CCDC149: variants seen among roughly 807,000 people sequenced by gnomAD.
CCDC149 encodes coiled-coil domain-containing protein 149.
A neutral mutation model predicts 59.9 loss-of-function variants in CCDC149; 45 were observed. The ratio of observed to expected loss-of-function variants is 0.75; its 90% CI spans 0.59 to 0.96. The LOEUF is 0.96. CCDC149 is among the 40% of genes least tolerant of loss of function. The probability of loss-of-function intolerance (pLI) is 0.00; values close to 1 mark genes in which losing one functional copy is unlikely to be tolerated. For synonymous variants in CCDC149, 245 were observed against 260.6 expected, an observed-to-expected ratio of 0.94 and a Z score of 0.58; for missense variants, 584 against 664.7, an observed-to-expected ratio of 0.88 and a Z score of 1.33.
chr4:24,909,731 G>A (rs1330385363), intron 1 of CCDC149, among the ~76,000 whole-genome samples: 1 of 152,194 alleles, frequency 6.6e-6, no homozygotes, highest in Admixed American at 6.5e-5. Context: ...AGTCTCACGA[G>A]ATCTGATGGT....
intron 1 of CCDC149, among the ~76,000 whole-genome samples, chr4:24,909,795 C>T (rs1203508210): frequency 1.3e-5 from 2 of 152,058 alleles, no homozygotes. Flanking sequence ...TGCTGCCATC[C>T]ATGTAAGATG....
chr4:24,853,394 T>C (rs1717791218), intron 3 of CCDC149: 3 of 535,824 alleles, frequency 5.6e-6, no homozygotes, highest in Non-Finnish European at 9.8e-6. Context: ...AATTTGGAGA[T>C]ATTCTTTGTT....
intron 1 of CCDC149, among the ~76,000 whole-genome samples, chr4:24,953,241 A>G (rs1224325735): frequency 6.6e-6 from 1 of 152,154 alleles, no homozygotes; most frequent in Non-Finnish European, 1.5e-5. Flanking sequence ...CAGATTCCTG[A>G]TTTTGGAGGA....
In CCDC149 at chr4:24,808,645, C is replaced by G. The variant is rs1425949136; in HGVS notation, c.1367G>C (p.Ser456Thr). 1.2e-5 allele frequency: 18 copies of G among 1,552,314 alleles called. No homozygotes were observed. The highest frequency in any genetic ancestry group is 1.5e-5 in the Non-Finnish European group (17 of 1,147,156). Residue 456 changes from serine to threonine, a missense_variant, in exon 13 of 13, where the codon AGC (serine) becomes ACC (threonine). Physicochemically the swap from Ser to Thr is moderately conservative, Grantham distance 58 (BLOSUM62 1). Transcript: ENST00000635206. The stretch of plus-strand genomic sequence containing the variant: ...CAGTTTAATTATTTCCCTCCCAAGG[C>G]TGTTTACTTCTTCCTCAGAAGGTAA...
At chr4:24,917,738 G>A (rs1305434915), upstream of CCDC149, among the ~76,000 whole-genome samples, 1 of 152,192 alleles carries the variant, frequency 6.6e-6, no homozygotes, top group Non-Finnish European at 1.5e-5. Flanking sequence ...GAGTTAAATG[G>A]AAAAGAGACA....
chr4:24,936,259 T>G (rs1018957056), intron 1 of CCDC149, among the ~76,000 whole-genome samples: 5 of 151,984 alleles, frequency 3.3e-5, no homozygotes, highest in Admixed American at 2.0e-4. Flanking sequence ...TAAGGGAGGT[T>G]TTCAGTTTTG....
In CCDC149 at chr4:24,807,190, G is replaced by C. The variant is rs1714246854; in HGVS notation, c.*1199C>G. 6.6e-6 allele frequency: 1 copy of C among 152,152 alleles called. No individual in the cohort carries two copies. Among genetic ancestry groups the C allele is most frequent in the South Asian group, 2.1e-4 (1 of 4,826 alleles). The allele number at this position is 152,152 out of a possible 1,614,324, so 9.4% of individuals were successfully genotyped here. ...TCCAGGGAAGGAAAAAGCTATGGCTGGATGACTTTTAGTTTTCTGCAGTGC... is the reference window on the plus strand; with the variant it reads ...TCCAGGGAAGGAAAAAGCTATGGCTCGATGACTTTTAGTTTTCTGCAGTGC... On this transcript the variant is annotated 3_prime_UTR_variant, in exon 13 of 13. Transcript: ENST00000635206.
intron 1 of CCDC149, among the ~76,000 whole-genome samples, chr4:24,932,540 G>T (rs28591339): frequency 0.41 from 62,594 of 151,518 alleles, 15,148 homozygotes; most frequent in Non-Finnish European, 0.54. Flanking sequence ...TTGAAGTAAG[G>T]AAGTGTGGCT....
At chr4:24,892,993 G>A (rs1722196550) in intron 1 of CCDC149, among the ~76,000 whole-genome samples, 2 of 152,126 alleles carry the variant, frequency 1.3e-5, no homozygotes, top group African/African-American at 4.8e-5. Context: ...GGGGCTGATC[G>A]CCCTCATTAA....
rs1185253622 is a variant in CCDC149, at chr4:24,837,795, T to C, written c.489+361A>G. ...TAGGCTCTCTTAGTTGTTACCTAAC[T>C]AGGGCTCTGCACTTGTTGAGATTTT... is the stretch of plus-strand genomic sequence containing the variant. On this transcript the variant is annotated intron_variant, in intron 5 of 12. Coordinates refer to ENST00000635206, the MANE Select transcript of CCDC149 (RefSeq NM_001330643.2). The surrounding 1 kb of genome is among the most constrained non-coding windows in gnomAD (Gnocchi z 4.3). 1.3e-5 allele frequency among the ~76,000 whole-genome samples: 2 copies of C among 152,246 alleles called. No homozygotes were observed. The highest frequency in any genetic ancestry group is 2.9e-5 in the Non-Finnish European group (2 of 68,038).
chr4:24,876,775 C>A lies in CCDC149; in HGVS notation c.64-78G>T, dbSNP rs1266046846. The stretch of plus-strand genomic sequence containing the variant: ...TTAAACACACACCGTACTTCACACA[C>A]CCTGTGGGGAATTTTTGCCATTCTC... On this transcript the variant is annotated intron_variant, in intron 1 of 12. Coordinates refer to ENST00000635206, the MANE Select transcript of CCDC149 (RefSeq NM_001330643.2). 2.1e-6 allele frequency: 3 copies of A among 1,395,840 alleles called. No individual in the cohort carries two copies. In the African/African-American group the frequency reaches 4.4e-5, roughly 20 times the overall value. The allele number at this position is 1,395,840 out of a possible 1,614,324, so 86.5% of individuals were successfully genotyped here. A position where few individuals can be genotyped will look rare whatever the true frequency, so the allele number is the denominator to read the frequency against.
At chr4:24,931,852 T>TATATATATATATATATATATATATATAA (rs1722602422) in intron 1 of CCDC149, among the ~76,000 whole-genome samples, 4 of 139,582 alleles carry the variant, frequency 2.9e-5, no homozygotes, top group Non-Finnish European at 6.1e-5. Flanking sequence ...TATATATATA[T>TATATATATATATATATATATATATATAA]GCATAATCCA....
chr4:24,927,481 TTCCAAACTATAAGCAAAGAAC>T (rs1310905898), intron 1 of CCDC149, among the ~76,000 whole-genome samples: 1 of 152,092 alleles, frequency 6.6e-6, no homozygotes, highest in East Asian at 1.9e-4. Context: ...CATGGAAAAA[TTCCAAACTATAAGCAAAGAAC>T]TCAAGAACAC....
chr4:24,956,200 A>G (rs1301342535), intron 1 of CCDC149, among the ~76,000 whole-genome samples: 1 of 126,916 alleles, frequency 7.9e-6, no homozygotes, highest in Non-Finnish European at 1.7e-5. Flanking sequence ...AGTTCTTGTG[A>G]GATGACAGCA....
At chr4:24,848,126 C>T (rs1717423912) in intron 4 of CCDC149, among the ~76,000 whole-genome samples, 1 of 152,092 alleles carries the variant, frequency 6.6e-6, no homozygotes, top group South Asian at 2.1e-4. Flanking sequence ...GTCTGTCCCA[C>T]CTGGCCCTGC....
intron 1 of CCDC149, among the ~76,000 whole-genome samples, chr4:24,971,405 C>T (rs970864888): frequency 6.6e-6 from 1 of 152,208 alleles, no homozygotes; most frequent in Non-Finnish European, 1.5e-5. Flanking sequence ...CCAAGGCAGG[C>T]TTCCAGTGCA....
chr4:24,895,638 C>A (rs1720805166), intron 1 of CCDC149, among the ~76,000 whole-genome samples: 1 of 152,214 alleles, frequency 6.6e-6, no homozygotes, highest in Non-Finnish European at 1.5e-5. Flanking sequence ...CTCAGGCAGT[C>A]TGGGGCATGT....
At chr4:24,815,784 CTT>C (rs950612434) in intron 12 of CCDC149, among the ~76,000 whole-genome samples, 5 of 152,160 alleles carry the variant, frequency 3.3e-5, no homozygotes, top group Non-Finnish European at 7.3e-5. Context: ...GTATGAGTCT[CTT>C]TTAATATGGG....
rs116826176 is a variant in CCDC149, at chr4:24,879,810, C to T, written c.64-3113G>A. ...CTAAATCAGAATCTCTGGTGCCTGG[C>T]TCAGGAATCTGCATTCTTAGCCCAT... On this transcript the variant is annotated intron_variant, in intron 1 of 12. Transcript: ENST00000635206. 7.5e-3 allele frequency among the ~76,000 whole-genome samples: 1,148 copies of T among 152,324 alleles called. 16 individuals are homozygous for T. The highest frequency in any genetic ancestry group is 0.026 in the African/African-American group (1,072 of 41,576).
Sources: allele counts gnomAD v4.1 joint callset (sites outside exome capture counted in the v4.1 genomes callset), GRCh38; gene constraint gnomAD v4.1.1; non-coding constraint Gnocchi (gnomAD v3.1); transcripts MANE v1.5; gene names NCBI Gene and HGNC (gene_info 2026-07-23, HGNC 2026-07-21).